ARHGEF16: variants seen among roughly 807,000 people sequenced by gnomAD.
The protein encoded by ARHGEF16 is Rho guanine exchange factor (GEF) 16.
A neutral mutation model predicts 74.1 loss-of-function variants in ARHGEF16; 59 were observed. That is an observed-to-expected ratio of 0.80 (90% CI 0.65 to 0.99). ARHGEF16 has a LOEUF of 0.99. Among genes scored for constraint, ARHGEF16 ranks in the 50% least tolerant of loss-of-function variants. The probability of loss-of-function intolerance (pLI) is 0.00; values close to 1 mark genes in which losing one functional copy is unlikely to be tolerated. For synonymous variants in ARHGEF16, 415 were observed against 412.6 expected, an observed-to-expected ratio of 1.01 and a Z score of -0.07; for missense variants, 948 against 986.6, an observed-to-expected ratio of 0.96 and a Z score of 0.52.
chr1:3,471,828 C>G (rs774702187), intron 6 of ARHGEF16: 238 of 1,058,848 alleles, frequency 2.2e-4, no homozygotes, highest in Non-Finnish European at 2.5e-4. Context: ...AGACCTTTCT[C>G]AGAACCTGCA....
At chr1:3,467,068 T>C in intron 3 of ARHGEF16, 100 bp from the exon 4 acceptor site, 2 of 1,285,822 alleles carry the variant, frequency 1.6e-6, no homozygotes, top group Non-Finnish European at 2.1e-6. Flanking sequence ...CACACAGCCG[T>C]GAGAGCCTGT....
chr1:3,469,060 C>T (rs1639630601), intron 5 of ARHGEF16, 124 bp downstream of exon 5: 2 of 1,219,992 alleles, frequency 1.6e-6, no homozygotes, highest in East Asian at 2.5e-5. Flanking sequence ...GTGCCAGGCC[C>T]TGTCACGCTG....
At chr1:3,473,623 T>G (rs779018844) in intron 8 of ARHGEF16, 101 bp downstream of exon 8, 8 of 1,554,270 alleles carry the variant, frequency 5.1e-6, no homozygotes, top group Non-Finnish European at 7.0e-6. Flanking sequence ...GACCTTCTCC[T>G]CCAGGCTTGG....
chr1:3,476,582 G>A (rs1046947136), intron 10 of ARHGEF16, among the ~76,000 whole-genome samples: 1 of 151,988 alleles, frequency 6.6e-6, no homozygotes, highest in African/African-American at 2.4e-5. Context: ...TGCCACAAAC[G>A]GGCAGGGCTC....
intron 2 of ARHGEF16, among the ~76,000 whole-genome samples, chr1:3,464,215 C>A (rs1639480615): frequency 6.6e-6 from 1 of 152,232 alleles, no homozygotes; most frequent in African/African-American, 2.4e-5. Flanking sequence ...ATGGTGGCGG[C>A]AGACCCTTTG....
chr1:3,476,189 G>GCC, intron 10 of ARHGEF16, 127 bp downstream of exon 10: 1 of 972,468 alleles, frequency 1.0e-6, no homozygotes, highest in Non-Finnish European at 1.5e-6. Context: ...CATGAGGCCT[G>GCC]GGGGCTGGGC....
In ARHGEF16 at chr1:3,479,369, C is replaced by T. The variant is rs1017529057; in HGVS notation, c.1815-148C>T. ...CTGGGGTGACTTGGGGGTTAGCCTGCCTGGCACAGTCTGCCCAGCCACTCC... is the reference window on the plus strand; with the variant it reads ...CTGGGGTGACTTGGGGGTTAGCCTGTCTGGCACAGTCTGCCCAGCCACTCC... On this transcript the variant is annotated intron_variant, in intron 12 of 14. Transcript: ENST00000378378. 19 of 873,120 alleles carry T rather than the reference C, an allele frequency of 2.2e-5. No homozygotes were observed. In the South Asian group the frequency reaches 3.0e-4, roughly 14 times the overall value. 54.1% of individuals were successfully genotyped at this position (873,120 alleles called of 1,614,324 possible). A position where few individuals can be genotyped will look rare whatever the true frequency, so the allele number is the denominator to read the frequency against.
chr1:3,478,192 C>G lies in ARHGEF16; in HGVS notation c.1625+166C>G, dbSNP rs536943733. ...CTACGTGACACTCGGGGGCAGGTGG[C>G]GCTCGCTGTGCAGCCTCTGACCTCC... On this transcript the variant is annotated intron_variant, in intron 11 of 14. Transcript: ENST00000378378. 258 of 1,058,290 alleles carry G rather than the reference C, an allele frequency of 2.4e-4. 2 individuals carry two copies. The South Asian group carries it at 3.8e-3, about 16-fold the overall frequency. 65.6% of individuals were successfully genotyped at this position (1,058,290 alleles called of 1,614,324 possible).
chr1:3,465,832 C>A (rs1639527070), intron 2 of ARHGEF16, among the ~76,000 whole-genome samples: 1 of 152,192 alleles, frequency 6.6e-6, no homozygotes, highest in Admixed American at 6.5e-5. Flanking sequence ...GCCCCACTGT[C>A]CCTTCACAGC....
intron 14 of ARHGEF16, 110 bp downstream of exon 14, chr1:3,480,023 C>G: frequency 3.8e-6 from 4 of 1,047,696 alleles, no homozygotes; most frequent in Non-Finnish European, 5.7e-6. Context: ...TGACCATGTG[C>G]TCACCCTCTC....
intron 1 of ARHGEF16, among the ~76,000 whole-genome samples, chr1:3,457,220 G>A (rs1028176587): frequency 6.6e-6 from 1 of 152,240 alleles, no homozygotes; most frequent in Non-Finnish European, 1.5e-5. Flanking sequence ...AGTTTGACGG[G>A]CAGAATTACC....
chr1:3,478,352 C>A lies in ARHGEF16; in HGVS notation c.1626-72C>A, dbSNP rs749794826. ...CCACTGCAGGGGAGCCGGGTGGGAC[C>A]TGGACGGGAGCCCAGCAGCACTGGG... On this transcript the variant is annotated intron_variant, in intron 11 of 14. Transcript: ENST00000378378. The A allele has an allele frequency of 1.0e-4, 154 of 1,493,046 alleles. 1 individual carries two copies. The highest frequency in any genetic ancestry group is 7.2e-4 in the Middle Eastern group (4 of 5,562). 92.5% of individuals were successfully genotyped at this position (1,493,046 alleles called of 1,614,324 possible).
chr1:3,472,033 G>A (rs535581626), intron 6 of ARHGEF16, among the ~76,000 whole-genome samples: 127 of 152,346 alleles, frequency 8.3e-4, no homozygotes, highest in African/African-American at 2.4e-3. Context: ...TGGCTCCTGC[G>A]TGGGTGGCAG....
At chr1:3,463,992 C>G (rs1455357210) in intron 2 of ARHGEF16, among the ~76,000 whole-genome samples, 1 of 152,222 alleles carries the variant, frequency 6.6e-6, no homozygotes. Context: ...TGGACAGGAG[C>G]CGGCCTGCCT....
chr1:3,469,547 C>T lies in ARHGEF16; in HGVS notation c.976C>T (p.His326Tyr), dbSNP rs754962544. The change falls in exon 6 of 15, where the codon CAC (histidine) becomes TAC (tyrosine). Residue 326 changes from histidine to tyrosine, a missense_variant. Transcript: ENST00000378378. ...GGCGACCGTGACCCAGATGGAGCACCACCACCTCTTCTCCAACATCCTGGA... is the reference window on the plus strand; with the variant it reads ...GGCGACCGTGACCCAGATGGAGCACTACCACCTCTTCTCCAACATCCTGGA... ...LRATVTQMEH[H>Y]HLFSNILDVL... is the part of the protein sequence containing the mutation. 3 of 1,613,110 alleles carry T rather than the reference C, an allele frequency of 1.9e-6. No individual in the cohort carries two copies. The highest frequency in any genetic ancestry group is 1.7e-6 in the Non-Finnish European group (2 of 1,179,994).
In ARHGEF16 at chr1:3,480,449, G is replaced by C; in HGVS notation, c.1992G>C (p.Gly664=). The C allele has an allele frequency of 6.2e-7, 1 of 1,612,460 alleles. No homozygotes were observed. Among genetic ancestry groups the C allele is most frequent in the Admixed American group, 1.7e-5 (1 of 60,024 alleles). Residue 664 remains glycine (G), a splice_region_variant and synonymous_variant, in exon 15 of 15, where the codon GGG becomes GGC. Coordinates refer to ENST00000378378, the MANE Select transcript of ARHGEF16 (RefSeq NM_014448.4). ...CCTCCCACCCCTATCCGGGTTCAGG[G>C]TGGCTCTATGGCGAGAGGCTCCGGG... ...DVVLVLQQED[G]WLYGERLRDG...
At chr1:3,456,613 C>A (rs1334317971) in intron 1 of ARHGEF16, among the ~76,000 whole-genome samples, 2 of 152,224 alleles carry the variant, frequency 1.3e-5, no homozygotes, top group African/African-American at 4.8e-5. Flanking sequence ...CGGGAAAATA[C>A]CCACCTTCCA....
intron 1 of ARHGEF16, among the ~76,000 whole-genome samples, chr1:3,459,832 A>G (rs1334906406): frequency 6.6e-6 from 1 of 152,122 alleles, no homozygotes; most frequent in Non-Finnish European, 1.5e-5. Context: ...TGATGGGGCC[A>G]GCCGTGATGG....
At chr1:3,461,346 G>A (rs1011500334) in intron 1 of ARHGEF16, among the ~76,000 whole-genome samples, 5 of 152,226 alleles carry the variant, frequency 3.3e-5, no homozygotes, top group Non-Finnish European at 4.4e-5. Context: ...CCTGTTACAC[G>A]CTTTGCACGC....
Sources: allele counts gnomAD v4.1 joint callset (sites outside exome capture counted in the v4.1 genomes callset), GRCh38; gene constraint gnomAD v4.1.1; transcripts MANE v1.5; gene names NCBI Gene and HGNC (gene_info 2026-07-23, HGNC 2026-07-21).